The following SIPA1L3 variants were observed in gnomAD, a reference collection of about 807,000 sequenced individuals.
The protein encoded by SIPA1L3 is signal induced proliferation associated 1 like 3.
A neutral mutation model predicts 150.1 loss-of-function variants in SIPA1L3; 59 were observed. That is an observed-to-expected ratio of 0.39 (90% CI 0.32 to 0.49). The LOEUF (loss-of-function observed/expected upper bound fraction) is 0.49. SIPA1L3 is among the 20% of genes least tolerant of loss of function. SIPA1L3 has a pLI of 0.86. For missense variants in SIPA1L3, 2,211 were observed against 2,489.5 expected, an observed-to-expected ratio of 0.89 and a Z score of 2.38; for synonymous variants, 1,070 against 1,077.6, an observed-to-expected ratio of 0.99 and a Z score of 0.14.
chr19:38,059,669 T>C (rs1969406366), intron 2 of SIPA1L3, among the ~76,000 whole-genome samples: 1 of 152,190 alleles, frequency 6.6e-6, no homozygotes, highest in African/African-American at 2.4e-5. Context: ...AAAACGTGAA[T>C]ACACAGTTTA....
At position 37,908,762 on chromosome 19, in the gene SIPA1L3, C is replaced by T. The variant is rs553056181; in HGVS notation, c.-379+1404C>T. 2.0e-5 allele frequency among the ~76,000 whole-genome samples: 3 copies of T among 152,146 alleles called. No individual in the cohort carries two copies. In the East Asian group the frequency reaches 5.8e-4, roughly 29 times the overall value. On this transcript the variant is annotated intron_variant, in intron 1 of 21. Coordinates refer to ENST00000222345, the MANE Select transcript of SIPA1L3 (RefSeq NM_015073.3). ...ATGGAACACACTATAGTAGAAAGGC[C>T]TAAGAAGAAATGGGTCTGACCTGCC...
At position 38,208,296 on chromosome 19, in the gene SIPA1L3, T is replaced by C. The variant is rs918575165; in HGVS notation, c.*2056T>C. 6.6e-6 allele frequency: 1 copy of C among 152,490 alleles called. No homozygotes were observed. Among genetic ancestry groups the C allele is most frequent in the Non-Finnish European group, 1.5e-5 (1 of 68,018 alleles). 9.4% of individuals were successfully genotyped at this position (152,490 alleles called of 1,614,324 possible). A position where few individuals can be genotyped will look rare whatever the true frequency, so the allele number is the denominator to read the frequency against. ...TTTATTATTCTTTATTGTCTTTTTT[T>C]TTTCCCCATCCCTGTCTTGAGATTT... On this transcript the variant is annotated 3_prime_UTR_variant, in exon 22 of 22. Transcript: ENST00000222345.
chr19:38,003,174 G>C, intron 1 of SIPA1L3, among the ~76,000 whole-genome samples: 1 of 152,098 alleles, frequency 6.6e-6, no homozygotes, highest in East Asian at 1.9e-4. Context: ...GAAAACAGGA[G>C]AGTTTATTCA....
intron 1 of SIPA1L3, among the ~76,000 whole-genome samples, chr19:37,942,186 C>T (rs1443536259): frequency 6.6e-6 from 1 of 151,958 alleles, no homozygotes; most frequent in Non-Finnish European, 1.5e-5. Context: ...GGTCTGTCCT[C>T]CTGGAGTTCA....
chr19:38,206,211 ATCT>A lies in SIPA1L3; in HGVS notation c.5321_5323del (p.Phe1774del), dbSNP rs1463885327. 1.9e-6 allele frequency: 3 copies of A among 1,562,980 alleles called. No homozygotes were observed. Among genetic ancestry groups the A allele is most frequent in the African/African-American group, 2.7e-5 (2 of 73,540 alleles). ...CGAGCAGCTGCGCAAGTTTGCGGAG[ATCT>A]TCTGCAGGGAGAAGAAGGAGCTCTG... On this transcript the variant is annotated inframe_deletion, in exon 22 of 22. Transcript: ENST00000222345.
chr19:38,150,578 G>A (rs376882670), intron 12 of SIPA1L3, among the ~76,000 whole-genome samples: 5 of 148,608 alleles, frequency 3.4e-5, no homozygotes, highest in African/African-American at 1.2e-4. Flanking sequence ...TGTTGTCCAG[G>A]CTGGAGCGCA....
chr19:38,195,757 C>G (rs1972907705), intron 18 of SIPA1L3, among the ~76,000 whole-genome samples: 1 of 151,238 alleles, frequency 6.6e-6, no homozygotes, highest in African/African-American at 2.4e-5. Context: ...CCTCCCTTCC[C>G]CTACCAGGCT....
At chr19:37,992,377 A>T (rs1381417646) in intron 1 of SIPA1L3, among the ~76,000 whole-genome samples, 1 of 152,218 alleles carries the variant, frequency 6.6e-6, no homozygotes, top group Non-Finnish European at 1.5e-5. Context: ...AGGGCCAGGC[A>T]TGGTGGCTCA....
At chr19:37,918,686 A>G (rs897686717) in intron 1 of SIPA1L3, among the ~76,000 whole-genome samples, 3 of 151,666 alleles carry the variant, frequency 2.0e-5, no homozygotes, top group African/African-American at 7.3e-5. Context: ...ACTGGTCAAC[A>G]TGGTGAAATC....
intron 1 of SIPA1L3, among the ~76,000 whole-genome samples, chr19:37,940,430 A>T (rs2046643831): frequency 6.6e-6 from 1 of 152,174 alleles, no homozygotes. Flanking sequence ...CAAGATAAGG[A>T]TTCTTTAAAG....
At chr19:38,166,788 C>G (rs931906731) in intron 15 of SIPA1L3, among the ~76,000 whole-genome samples, 2 of 152,112 alleles carry the variant, frequency 1.3e-5, no homozygotes, top group African/African-American at 4.8e-5. Context: ...GCGCAGGGAT[C>G]TTCCTCTCCT....
intron 1 of SIPA1L3, among the ~76,000 whole-genome samples, chr19:38,027,557 T>C (rs945525305): frequency 3.3e-5 from 5 of 152,056 alleles, no homozygotes; most frequent in Non-Finnish European, 7.4e-5. Context: ...ATTGGGGAAG[T>C]GGAGCAGGGA....
chr19:38,088,159 T>C (rs1970179898), intron 3 of SIPA1L3, among the ~76,000 whole-genome samples: 3 of 152,268 alleles, frequency 2.0e-5, no homozygotes, highest in Admixed American at 1.3e-4. Context: ...GTGCGTACTA[T>C]GTGCCTGGCA....
intron 2 of SIPA1L3, among the ~76,000 whole-genome samples, chr19:38,056,093 C>T (rs975735724): frequency 3.3e-5 from 5 of 152,224 alleles, no homozygotes; most frequent in African/African-American, 4.8e-5. Context: ...TCTGGCACAG[C>T]GCCCAGCACC....
At chr19:38,076,346 A>C (rs1395743932) in intron 2 of SIPA1L3, among the ~76,000 whole-genome samples, 1 of 152,150 alleles carries the variant, frequency 6.6e-6, no homozygotes, top group Non-Finnish European at 1.5e-5. Context: ...GCCAAGAGAA[A>C]TGTAAACAAA....
At chr19:38,198,951 G>C (rs1003975484) in intron 19 of SIPA1L3, among the ~76,000 whole-genome samples, 1 of 152,190 alleles carries the variant, frequency 6.6e-6, no homozygotes, top group African/African-American at 2.4e-5. Context: ...GGGCGACAGT[G>C]CAAGACCCCG....
intron 16 of SIPA1L3, among the ~76,000 whole-genome samples, chr19:38,187,574 G>C (rs1277987705): frequency 3.3e-5 from 5 of 150,562 alleles, no homozygotes; most frequent in Admixed American, 2.0e-4. Context: ...AAAATTAGCC[G>C]GGCGAGGTGG....
intron 2 of SIPA1L3, among the ~76,000 whole-genome samples, chr19:38,079,678 CCT>C (rs1387059767): frequency 3.9e-5 from 6 of 151,938 alleles, no homozygotes; most frequent in Non-Finnish European, 5.9e-5. Context: ...ACCTCAGCCC[CCT>C]GAGTAGCTGG....
chr19:37,944,523 G>A (rs111257078), intron 1 of SIPA1L3, among the ~76,000 whole-genome samples: 99 of 152,296 alleles, frequency 6.5e-4, no homozygotes, highest in African/African-American at 2.2e-3. Context: ...AAATGATGGT[G>A]ATGATCCCAA....
Sources: allele counts gnomAD v4.1 joint callset (sites outside exome capture counted in the v4.1 genomes callset), GRCh38; gene constraint gnomAD v4.1.1; transcripts MANE v1.5; gene names NCBI Gene and HGNC (gene_info 2026-07-23, HGNC 2026-07-21).